The following SVIL variants were observed in gnomAD, a reference collection of about 807,000 sequenced individuals.
SVIL encodes supervillin.
A neutral mutation model predicts 240.4 loss-of-function variants in SVIL; 101 were observed. The ratio of observed to expected loss-of-function variants is 0.42; its 90% CI spans 0.36 to 0.50. The LOEUF (loss-of-function observed/expected upper bound fraction) is 0.50. Among genes scored for constraint, SVIL ranks in the 20% least tolerant of loss-of-function variants. The pLI, the probability that SVIL is intolerant of heterozygous loss-of-function variation, is 0.01. For synonymous variants in SVIL, 999 were observed against 1,100.0 expected, an observed-to-expected ratio of 0.91 and a Z score of 1.82; for missense variants, 2,512 against 2,818.7, an observed-to-expected ratio of 0.89 and a Z score of 2.46.
chr10:29,671,025 T>C (rs1427780974), intron 2 of SVIL: 1 of 152,158 alleles, frequency 6.6e-6, no homozygotes, highest in Non-Finnish European at 1.5e-5. Flanking sequence ...AGGGACCAGA[T>C]CAAAATCCTC....
chr10:29,526,538 C>A (rs61846568), intron 13 of SVIL, among the ~76,000 whole-genome samples: 22,534 of 151,966 alleles, frequency 0.15, 2,482 homozygotes, highest in African/African-American at 0.31. Flanking sequence ...CTCCTGACCT[C>A]GTGATCCACC....
chr10:29,685,069 C>G (rs973163894), intron 2 of SVIL, among the ~76,000 whole-genome samples: 10 of 152,140 alleles, frequency 6.6e-5, no homozygotes, highest in Admixed American at 6.5e-4. Context: ...TTTCTCTCCC[C>G]CAAGCCTCCA....
chr10:29,500,698 T>G (rs61848922), intron 17 of SVIL, among the ~76,000 whole-genome samples: 1 of 152,092 alleles, frequency 6.6e-6, no homozygotes, highest in Non-Finnish European at 1.5e-5. Flanking sequence ...CTAAGGCATT[T>G]TCCTTGGCTA....
intron 1 of SVIL, among the ~76,000 whole-genome samples, chr10:29,706,962 T>G (rs1962932085): frequency 6.6e-6 from 1 of 152,164 alleles, no homozygotes; most frequent in Non-Finnish European, 1.5e-5. Context: ...TGTGTGGTAT[T>G]ATTTCTGAGG....
At chr10:29,730,367 T>C (rs1433225476) in intron 1 of SVIL, among the ~76,000 whole-genome samples, 1 of 152,154 alleles carries the variant, frequency 6.6e-6, no homozygotes, top group Non-Finnish European at 1.5e-5. Flanking sequence ...TTCGTATAAG[T>C]TGACCCTTCC....
intron 36 of SVIL, 84 bp from the exon 37 acceptor site, chr10:29,458,673 T>C (rs1050048518): frequency 6.8e-7 from 1 of 1,470,744 alleles, no homozygotes; most frequent in Non-Finnish European, 9.2e-7. Flanking sequence ...CACACAGCCC[T>C]GTGCCACCTG....
Position 29,529,607 on chromosome 10 carries a change from C to T in SVIL, c.2246+98G>A, listed in dbSNP as rs372323193. On this transcript the variant is annotated intron_variant, in intron 12 of 37. Transcript: ENST00000355867. Reference sequence around the variant, plus strand: ...ACTTCTCTGTGGCTTCTAGCTAAATCACCTCCCCAATGCCTCATTTTCATT... The same window carrying T: ...ACTTCTCTGTGGCTTCTAGCTAAATTACCTCCCCAATGCCTCATTTTCATT... 2.5e-5 allele frequency: 35 copies of T among 1,380,388 alleles called. No homozygotes were observed. The African/African-American group carries it at 4.8e-4, about 19-fold the overall frequency. 85.5% of individuals were successfully genotyped at this position (1,380,388 alleles called of 1,614,324 possible).
chr10:29,587,117 TACGC>T (rs1270682737), intron 1 of SVIL, among the ~76,000 whole-genome samples: 1 of 152,234 alleles, frequency 6.6e-6, no homozygotes, highest in East Asian at 1.9e-4. Flanking sequence ...ACACACAAGC[TACGC>T]AGTGAAGAAA....
intron 1 of SVIL, among the ~76,000 whole-genome samples, chr10:29,707,142 A>G (rs1277074510): frequency 6.6e-6 from 1 of 152,188 alleles, no homozygotes; most frequent in African/African-American, 2.4e-5. Flanking sequence ...GTTCCATGTA[A>G]AAATTAAAGT....
intron 1 of SVIL, among the ~76,000 whole-genome samples, chr10:29,589,700 C>G (rs2488685): frequency 6.6e-6 from 1 of 151,912 alleles, no homozygotes; most frequent in Admixed American, 6.6e-5. Context: ...AATCAAGACT[C>G]CTGGAACAGG....
At chr10:29,691,459 C>T (rs530659467) in intron 1 of SVIL, among the ~76,000 whole-genome samples, 28 of 152,322 alleles carry the variant, frequency 1.8e-4, no homozygotes, top group African/African-American at 5.5e-4. Context: ...GATCCACCCA[C>T]CTGGGCCTCC....
intron 1 of SVIL, among the ~76,000 whole-genome samples, chr10:29,602,756 C>G (rs1956865197): frequency 6.6e-6 from 1 of 152,048 alleles, no homozygotes; most frequent in African/African-American, 2.4e-5. Flanking sequence ...GGGGCCGAGG[C>G]AGTTGGATCA....
chr10:29,602,958 C>T (rs1267396785), intron 1 of SVIL, among the ~76,000 whole-genome samples: 1 of 151,876 alleles, frequency 6.6e-6, no homozygotes, highest in Non-Finnish European at 1.5e-5. Flanking sequence ...TGCATTCCAG[C>T]CTGGGCAACA....
At position 29,480,615 on chromosome 10, in the gene SVIL, G is replaced by A. The variant is rs779845741; in HGVS notation, c.5299C>T (p.Leu1767Phe). 6 of 1,613,990 alleles carry A rather than the reference G, an allele frequency of 3.7e-6. No homozygotes were observed. The highest frequency in any genetic ancestry group is 1.3e-5 in the African/African-American group (1 of 74,924). The change falls in exon 29 of 38, where the codon CTC becomes TTC. Residue 1767 changes from leucine (L) to phenylalanine (F), a missense_variant. Physicochemically the swap from Leu to Phe is conservative, Grantham distance 22 (BLOSUM62 0). Coordinates refer to ENST00000355867, the MANE Select transcript of SVIL (RefSeq NM_021738.3). ...AACTGCCCGATGCTTTGTTTGGGGAGCCTGCTATAGTCGAATTCCAGGATG... is the reference window on the plus strand; with the variant it reads ...AACTGCCCGATGCTTTGTTTGGGGAACCTGCTATAGTCGAATTCCAGGATG... ...WHILEFDYSR[L>F]PKQSIGQFHE...
Position 29,500,622 on chromosome 10 carries a change from T to C in SVIL, c.3517-1359A>G, listed in dbSNP as rs191605008. ...TTCCCCAGATTGCTGCTAGCGCATCTGCTTTCAAATTACTTCTGAGCACTA... is the reference window on the plus strand; with the variant it reads ...TTCCCCAGATTGCTGCTAGCGCATCCGCTTTCAAATTACTTCTGAGCACTA... On this transcript the variant is annotated intron_variant, in intron 17 of 37. Coordinates refer to ENST00000355867, the MANE Select transcript of SVIL (RefSeq NM_021738.3). Among the ~76,000 whole-genome samples the C allele has an allele frequency of 4.4e-3, 667 of 152,334 alleles. 7 individuals carry two copies. Among genetic ancestry groups the C allele is most frequent in the African/African-American group, 0.015 (618 of 41,572 alleles).
At chr10:29,559,317 A>G (rs1378493153) in intron 3 of SVIL, among the ~76,000 whole-genome samples, 1 of 152,136 alleles carries the variant, frequency 6.6e-6, no homozygotes, top group African/African-American at 2.4e-5. Flanking sequence ...TCTCTTAAGT[A>G]TATTTACATG....
chr10:29,507,759 A>T, intron 17 of SVIL: 6 of 985,428 alleles, frequency 6.1e-6, no homozygotes, highest in Non-Finnish European at 7.2e-6. Flanking sequence ...CACAAAAGAC[A>T]GGTATTTATG....
chr10:29,623,825 C>T (rs1375226406), intron 1 of SVIL, among the ~76,000 whole-genome samples: 3 of 151,980 alleles, frequency 2.0e-5, no homozygotes, highest in Admixed American at 1.3e-4. Flanking sequence ...CACTCCAGCC[C>T]GGGCCACAGA....
intron 1 of SVIL, among the ~76,000 whole-genome samples, chr10:29,595,183 G>C (rs533437698): frequency 6.6e-6 from 1 of 152,330 alleles, no homozygotes; most frequent in South Asian, 2.1e-4. Flanking sequence ...ATGGAAGGAA[G>C]CCCCAGGAAG....
Sources: gnomAD v4.1 joint callset for allele counts (sites outside exome capture counted in the v4.1 genomes callset) on GRCh38, gnomAD v4.1.1 for gene constraint, MANE v1.5 for transcripts, NCBI Gene and HGNC (gene_info 2026-07-23, HGNC 2026-07-21) for gene names.